The following HCLS1 variants were observed in gnomAD, a reference collection of about 807,000 sequenced individuals.
HCLS1 encodes hematopoietic cell-specific Lyn substrate 1.
HCLS1 carries 44 observed loss-of-function variants against 68.6 expected under a neutral mutation model. The ratio of observed to expected loss-of-function variants is 0.64; its 90% CI spans 0.50 to 0.82. The LOEUF is 0.82. HCLS1 is among the 40% of genes least tolerant of loss of function. HCLS1 has a pLI of 0.00. For synonymous variants in HCLS1, 217 were observed against 225.8 expected, an observed-to-expected ratio of 0.96 and a Z score of 0.35; for missense variants, 602 against 612.1, an observed-to-expected ratio of 0.98 and a Z score of 0.17.
chr3:121,644,321 G>A (rs1310824497), intron 5 of HCLS1: 1 of 240,972 alleles, frequency 4.1e-6, no homozygotes, highest in African/African-American at 2.2e-5. Context: ...GTTTTGTTTT[G>A]TACAAAGGAG....
intron 6 of HCLS1, among the ~76,000 whole-genome samples, chr3:121,639,023 A>ACGCG (rs201508325): frequency 1.9e-5 from 1 of 52,718 alleles, no homozygotes; most frequent in African/African-American, 5.4e-5. Flanking sequence ...ACACACACAC[A>ACGCG]CGCACACACA....
At chr3:121,642,802 AATAAAAT>A in intron 6 of HCLS1, 118 bp downstream of exon 6, 1 of 779,506 alleles carries the variant, frequency 1.3e-6, no homozygotes, top group Non-Finnish European at 2.2e-6. Context: ...ACAAAAAGTA[AATAAAAT>A]AGTGGTGCGC....
intron 3 of HCLS1, among the ~76,000 whole-genome samples, chr3:121,649,251 A>G (rs1246103383): frequency 6.6e-6 from 1 of 151,940 alleles, no homozygotes; most frequent in Non-Finnish European, 1.5e-5. Flanking sequence ...TATTATTATT[A>G]TTGAGACAGA....
At position 121,632,119 on chromosome 3, in the gene HCLS1, C is replaced by G. The variant is rs9869984; in HGVS notation, c.1306G>C (p.Val436Leu). ...AVALGISAVA[V>L]YDYQGEGSDE... ...AACCTACCTCCTTGGTAATCATATA[C>G]AGCCACAGCTGAGATCCCCAGAGCC... The change falls in exon 13 of 14, where the codon GTA (valine) becomes CTA (leucine). Residue 436 changes from valine (V) to leucine (L), a missense_variant. Coordinates refer to ENST00000314583, the MANE Select transcript of HCLS1 (RefSeq NM_005335.6). 1,612,625 of 1,614,076 alleles carry G rather than the reference C, an allele frequency of 1. 805,597 individuals are homozygous for G. Among genetic ancestry groups the G allele is most frequent in the South Asian group, 1 (91,067 of 91,072 alleles).
chr3:121,632,076 G>C (rs2049102842), intron 13 of HCLS1, 25 bp downstream of exon 13: 1 of 1,613,376 alleles, frequency 6.2e-7, no homozygotes, highest in East Asian at 2.2e-5. Context: ...CATGTACCAG[G>C]CTCCTCGGGC....
intron 1 of HCLS1, among the ~76,000 whole-genome samples, chr3:121,659,020 T>TA (rs1560145910): frequency 6.6e-6 from 1 of 152,188 alleles, no homozygotes; most frequent in African/African-American, 2.4e-5. Flanking sequence ...CTCAATTTTT[T>TA]AAAAATGGTT....
At chr3:121,632,702 G>A in intron 11 of HCLS1, 139 bp from the exon 12 acceptor site, 1 of 694,996 alleles carries the variant, frequency 1.4e-6, no homozygotes, top group African/African-American at 1.8e-5. Context: ...CTCTCCTGGG[G>A]AACACAGCCT....
chr3:121,641,009 C>T (rs533525178), intron 6 of HCLS1, among the ~76,000 whole-genome samples: 10 of 151,992 alleles, frequency 6.6e-5, no homozygotes, highest in Admixed American at 1.3e-4. Flanking sequence ...ACCCAGAATG[C>T]GGCACAAGGA....
At position 121,632,991 on chromosome 3, in the gene HCLS1, G is replaced by A. The variant is rs1030625609; in HGVS notation, c.1008+76C>T. 8.0e-6 allele frequency: 8 copies of A among 998,186 alleles called. No individual in the cohort carries two copies. In the Admixed American group the frequency reaches 8.6e-5, roughly 11 times the overall value. 61.8% of individuals were successfully genotyped at this position (998,186 alleles called of 1,614,324 possible). A position where few individuals can be genotyped will look rare whatever the true frequency, so the allele number is the denominator to read the frequency against. On this transcript the variant is annotated intron_variant, in intron 11 of 13. Coordinates refer to ENST00000314583, the MANE Select transcript of HCLS1 (RefSeq NM_005335.6). ...AGTGCAAGGCAAACCAGGATGGTTGGCCACCCTGCACAGCCCACATTCCTA... is the reference window on the plus strand; with the variant it reads ...AGTGCAAGGCAAACCAGGATGGTTGACCACCCTGCACAGCCCACATTCCTA...
intron 3 of HCLS1, among the ~76,000 whole-genome samples, chr3:121,651,449 G>A (rs909614674): frequency 5.3e-5 from 8 of 152,112 alleles, no homozygotes; most frequent in African/African-American, 1.9e-4. Flanking sequence ...TGTTTTGTTT[G>A]TCTTTTAGAG....
chr3:121,649,247 T>C (rs1405451002), intron 3 of HCLS1, among the ~76,000 whole-genome samples: 2 of 152,086 alleles, frequency 1.3e-5, no homozygotes, highest in Non-Finnish European at 2.9e-5. Context: ...TTATTATTAT[T>C]ATTATTGAGA....
intron 5 of HCLS1, chr3:121,643,564 T>C (rs938609253): frequency 6.6e-6 from 1 of 152,488 alleles, no homozygotes; most frequent in Non-Finnish European, 1.5e-5. Flanking sequence ...AACACAAATA[T>C]GTGGATTTTG....
chr3:121,638,598 C>A (rs1207320453), intron 6 of HCLS1, among the ~76,000 whole-genome samples: 6 of 152,114 alleles, frequency 3.9e-5, no homozygotes, highest in Non-Finnish European at 7.4e-5. Context: ...AAACTCCAAG[C>A]CTACATCTGA....
intron 3 of HCLS1, chr3:121,653,871 G>A (rs1363570512): frequency 6.6e-6 from 1 of 152,254 alleles, no homozygotes; most frequent in Non-Finnish European, 1.5e-5. Context: ...CACTCAGTGT[G>A]TGGTCCACAA....
At chr3:121,633,261 G>T in intron 10 of HCLS1, 90 bp from the exon 11 acceptor site, 1 of 825,298 alleles carries the variant, frequency 1.2e-6, no homozygotes, top group Non-Finnish European at 2.0e-6. Context: ...TGTAGCCCAG[G>T]CTGGAGTGCA....
chr3:121,646,148 GTA>G (rs1321362027), intron 4 of HCLS1, among the ~76,000 whole-genome samples: 6 of 32,022 alleles, frequency 1.9e-4, no homozygotes, highest in South Asian at 1.7e-3. Flanking sequence ...CTATATATAA[GTA>G]TATATATAAT....
intron 10 of HCLS1, 93 bp downstream of exon 10, chr3:121,634,114 C>A (rs1576460457): frequency 6.3e-7 from 1 of 1,583,208 alleles, no homozygotes; most frequent in Non-Finnish European, 8.6e-7. Context: ...CAGGGGAGGA[C>A]TTTGCCTTAT....
In HCLS1 at chr3:121,636,445, G is replaced by A. The variant is rs762450754; in HGVS notation, c.610C>T (p.Arg204Ter). Residue 204 changes from arginine (R) to a stop codon, truncating the protein, a stop_gained, in exon 8 of 14, where the codon CGA (arginine) becomes TGA (stop). Coordinates refer to ENST00000314583, the MANE Select transcript of HCLS1 (RefSeq NM_005335.6). LOFTEE classifies it high-confidence loss of function. ...TTCCGGTGCTTTACCTTATCCACTC[G>A]GTCCTTCTGGATTCCATACTGGCCA... Reference protein sequence around the residue: ...FGGQYGIQKDRVDKSAVGFNE... With the variant: ...FGGQYGIQKD 5.0e-6 allele frequency: 8 copies of A among 1,613,140 alleles called. No homozygotes were observed. Among genetic ancestry groups the A allele is most frequent in the South Asian group, 1.1e-5 (1 of 91,052 alleles).
Position 121,631,965 on chromosome 3 carries a change from A to G in HCLS1, c.1342T>C (p.Ser448Pro). The change falls in exon 14 of 14, where the codon TCC becomes CCC. Residue 448 changes from serine (S) to proline (P), a missense_variant. Coordinates refer to ENST00000314583, the MANE Select transcript of HCLS1 (RefSeq NM_005335.6). Reference sequence around the variant, plus strand: ...GTGATTACGTCGTCCGGATCAAAGGAAAGCTCATCACTTCCCTCTGGGGAG... The same window carrying G: ...GTGATTACGTCGTCCGGATCAAAGGGAAGCTCATCACTTCCCTCTGGGGAG... ...DYQGEGSDEL[S>P]FDPDDVITDI... is the part of the protein sequence containing the mutation. The G allele has an allele frequency of 1.9e-6, 3 of 1,614,196 alleles. No homozygotes were observed. The highest frequency in any genetic ancestry group is 2.5e-6 in the Non-Finnish European group (3 of 1,180,030).
Sources: gnomAD v4.1 joint callset for allele counts (sites outside exome capture counted in the v4.1 genomes callset) on GRCh38, gnomAD v4.1.1 for gene constraint, MANE v1.5 for transcripts, NCBI Gene and HGNC (gene_info 2026-07-23, HGNC 2026-07-21) for gene names.